Variants in CADM2 observed in about 807,000 individuals in gnomAD.
CADM2 encodes cell adhesion molecule 2, also known as immunoglobulin superfamily member 4D.
CADM2 carries 12 observed loss-of-function variants against 49.8 expected under a neutral mutation model. The ratio of observed to expected loss-of-function variants is 0.24; its 90% CI spans 0.15 to 0.39. The LOEUF is 0.39. CADM2 is among the 10% of genes least tolerant of loss of function. The probability of loss-of-function intolerance (pLI) is 1.00; values close to 1 mark genes in which losing one functional copy is unlikely to be tolerated. For synonymous variants in CADM2, 214 were observed against 175.4 expected (o/e 1.22, Z -1.74); for missense variants, 378 against 492.3 (o/e 0.77, Z 2.20).
At chr3:85,633,708 T>C (rs192421174) in intron 1 of CADM2, among the ~76,000 whole-genome samples, 35 of 152,124 alleles carry the variant, frequency 2.3e-4, no homozygotes, top group Admixed American at 2.3e-3. Context: ...AGAGAATAAC[T>C]TTCCATAAAA....
intron 1 of CADM2, among the ~76,000 whole-genome samples, chr3:85,451,251 A>T (rs764625323): frequency 4.6e-5 from 7 of 152,148 alleles, no homozygotes; most frequent in Non-Finnish European, 1.0e-4. Flanking sequence ...AAAGAATGGG[A>T]ATGAATCTAT....
At chr3:85,697,322 TAA>T (rs1352667230) in intron 1 of CADM2, among the ~76,000 whole-genome samples, 1 of 151,958 alleles carries the variant, frequency 6.6e-6, no homozygotes, top group Non-Finnish European at 1.5e-5. Flanking sequence ...GACAGATATA[TAA>T]AGTGACATGC....
At chr3:85,700,137 A>G (rs146938302) in intron 1 of CADM2, among the ~76,000 whole-genome samples, 63 of 152,350 alleles carry the variant, frequency 4.1e-4, no homozygotes, top group Admixed American at 9.8e-4. Context: ...CACAGACACT[A>G]TGGAATACTA....
chr3:85,857,411 A>G (rs907961492), intron 3 of CADM2, among the ~76,000 whole-genome samples: 15 of 152,160 alleles, frequency 9.9e-5, no homozygotes, highest in African/African-American at 3.6e-4. Flanking sequence ...TTTAACAGGG[A>G]AGGTTTAGAG....
At chr3:85,739,202 A>G (rs2068276180) in intron 2 of CADM2, among the ~76,000 whole-genome samples, 1 of 152,062 alleles carries the variant, frequency 6.6e-6, no homozygotes. Context: ...ACTGATTTCC[A>G]TACCCAAATA....
At chr3:86,044,744 A>G (rs1392516088) in intron 8 of CADM2, among the ~76,000 whole-genome samples, 1 of 152,234 alleles carries the variant, frequency 6.6e-6, no homozygotes, top group Non-Finnish European at 1.5e-5. Flanking sequence ...ACATGCTGCT[A>G]TAAAGACACA....
chr3:84,998,127 C>T (rs535951615), intron 1 of CADM2, among the ~76,000 whole-genome samples: 1 of 152,190 alleles, frequency 6.6e-6, no homozygotes, highest in Non-Finnish European at 1.5e-5. Context: ...TCTGTTGTTT[C>T]CCACGAGGGT....
chr3:85,081,908 T>C (rs1456486901), intron 1 of CADM2, among the ~76,000 whole-genome samples: 2 of 152,206 alleles, frequency 1.3e-5, no homozygotes, highest in Non-Finnish European at 1.5e-5. Context: ...CCAAGTATCA[T>C]TGCTAAGTGT....
intron 1 of CADM2, among the ~76,000 whole-genome samples, chr3:85,508,502 G>C (rs953379916): frequency 2.6e-5 from 4 of 152,168 alleles, no homozygotes; most frequent in Non-Finnish European, 5.9e-5. Flanking sequence ...TTGGATGTTG[G>C]ACCTGAGAGG....
intron 1 of CADM2, among the ~76,000 whole-genome samples, chr3:85,145,585 T>C (rs975823051): frequency 6.6e-6 from 1 of 152,006 alleles, no homozygotes; most frequent in African/African-American, 2.4e-5. Flanking sequence ...TATAATCAAA[T>C]AAAGTCCAGG....
intron 3 of CADM2, among the ~76,000 whole-genome samples, chr3:85,822,791 T>C: frequency 6.6e-6 from 1 of 152,122 alleles, no homozygotes. Flanking sequence ...AAATATAAAT[T>C]CAAAATGTTC....
chr3:85,124,937 C>A (rs1253482069), intron 1 of CADM2, among the ~76,000 whole-genome samples: 1 of 152,058 alleles, frequency 6.6e-6, no homozygotes, highest in Admixed American at 6.5e-5. Flanking sequence ...TTAAGTTGAA[C>A]CATTATAAGT....
intron 1 of CADM2, among the ~76,000 whole-genome samples, chr3:85,114,526 C>T (rs1358614230): frequency 6.6e-6 from 1 of 152,158 alleles, no homozygotes; most frequent in African/African-American, 2.4e-5. Flanking sequence ...CCAGACATGG[C>T]TCTAGAAGTC....
At chr3:85,862,552 T>C (rs1056830406) in intron 3 of CADM2, among the ~76,000 whole-genome samples, 1 of 152,194 alleles carries the variant, frequency 6.6e-6, no homozygotes, top group Non-Finnish European at 1.5e-5. Flanking sequence ...TTTATATTAA[T>C]GTTTATTTTA....
chr3:85,031,450 G>GTGTT (rs2034972722), intron 1 of CADM2, among the ~76,000 whole-genome samples: 1 of 152,150 alleles, frequency 6.6e-6, no homozygotes. Flanking sequence ...CTGTCTAACT[G>GTGTT]TGTTCTGTGT....
chr3:85,747,104 T>C lies in CADM2; in HGVS notation c.88+20556T>C, dbSNP rs2068649383. Among the ~76,000 whole-genome samples, 4 of 152,104 alleles carry C rather than the reference T, an allele frequency of 2.6e-5. No homozygotes were observed. The South Asian group carries it at 8.3e-4, about 32-fold the overall frequency. ...ATATTTCAAAAATATTAACATTGAC[T>C]ACCAGAAATACTACAGATAACATCC... On this transcript the variant is annotated intron_variant, in intron 2 of 9. Coordinates refer to ENST00000383699, the MANE Select transcript of CADM2 (RefSeq NM_001167675.2).
intron 5 of CADM2, among the ~76,000 whole-genome samples, chr3:85,896,198 A>T (rs1715193422): frequency 6.6e-6 from 1 of 152,136 alleles, no homozygotes; most frequent in African/African-American, 2.4e-5. Flanking sequence ...AGGTTGGAAG[A>T]TCATTTGAAT....
chr3:85,705,261 T>C (rs1402615475), intron 1 of CADM2, among the ~76,000 whole-genome samples: 2 of 151,204 alleles, frequency 1.3e-5, no homozygotes, highest in East Asian at 3.9e-4. Flanking sequence ...AGCAAGGACG[T>C]TTTGTATGTG....
chr3:85,621,410 C>G (rs1227194264), intron 1 of CADM2, among the ~76,000 whole-genome samples: 1 of 151,940 alleles, frequency 6.6e-6, no homozygotes, highest in Non-Finnish European at 1.5e-5. Context: ...CGTCATATTC[C>G]TATGTTAGCA....
Sources: allele counts gnomAD v4.1 joint callset (sites outside exome capture counted in the v4.1 genomes callset), GRCh38; gene constraint gnomAD v4.1.1; transcripts MANE v1.5; gene names NCBI Gene and HGNC (gene_info 2026-07-23, HGNC 2026-07-21).